SLC35F4: variants seen among roughly 807,000 people sequenced by gnomAD.
SLC35F4 encodes solute carrier family 35 member F4.
SLC35F4 carries 24 observed loss-of-function variants against 44.2 expected under a neutral mutation model. The observed-to-expected ratio is 0.54, with a 90% CI of 0.39 to 0.76. The LOEUF is 0.76. Among genes scored for constraint, SLC35F4 ranks in the 30% least tolerant of loss-of-function variants. The probability of loss-of-function intolerance (pLI) is 0.00; values close to 1 mark genes in which losing one functional copy is unlikely to be tolerated. For synonymous variants in SLC35F4, 238 were observed against 223.6 expected (o/e 1.06, Z -0.57); for missense variants, 562 against 586.1 (o/e 0.96, Z 0.42).
intron 1 of SLC35F4, among the ~76,000 whole-genome samples, chr14:57,926,138 G>A (rs1454767687): frequency 6.6e-6 from 1 of 152,192 alleles, no homozygotes; most frequent in African/African-American, 2.4e-5. Flanking sequence ...CAGAGGCCAT[G>A]GCTATCCCAC....
At chr14:57,946,886 T>A (rs1047911223) in intron 1 of SLC35F4, among the ~76,000 whole-genome samples, 8 of 152,224 alleles carry the variant, frequency 5.3e-5, no homozygotes, top group Admixed American at 2.0e-4. Flanking sequence ...TAGTTTGAAG[T>A]TGGATAATGT....
At chr14:57,748,973 C>G (rs949347462) in intron 1 of SLC35F4, among the ~76,000 whole-genome samples, 1 of 152,114 alleles carries the variant, frequency 6.6e-6, no homozygotes, top group African/African-American at 2.4e-5. Context: ...CATCTTAACT[C>G]TGTTGTGGGT....
At chr14:57,750,993 G>T (rs551257323) in intron 1 of SLC35F4, among the ~76,000 whole-genome samples, 9 of 152,012 alleles carry the variant, frequency 5.9e-5, no homozygotes, top group Non-Finnish European at 1.2e-4. Context: ...AGTCTCCTCC[G>T]TCTCCGTTTA....
chr14:57,949,986 T>A (rs1264167253), intron 1 of SLC35F4, among the ~76,000 whole-genome samples: 1 of 152,160 alleles, frequency 6.6e-6, no homozygotes, highest in Non-Finnish European at 1.5e-5. Context: ...ACTTTACATA[T>A]CCTGATGACT....
At chr14:57,737,055 T>C (rs946988577) in intron 1 of SLC35F4, among the ~76,000 whole-genome samples, 9 of 152,122 alleles carry the variant, frequency 5.9e-5, no homozygotes, top group Admixed American at 3.9e-4. Flanking sequence ...GATTAGCATT[T>C]TTCTCTAGTA....
intron 1 of SLC35F4, among the ~76,000 whole-genome samples, chr14:57,721,756 AC>A (rs1281367928): frequency 2.6e-5 from 4 of 152,088 alleles, no homozygotes; most frequent in Non-Finnish European, 4.4e-5. Flanking sequence ...ACTCTGATGA[AC>A]CTTTTTTGCC....
chr14:57,661,834 A>T (rs1197138035), intron 1 of SLC35F4, among the ~76,000 whole-genome samples: 1 of 152,284 alleles, frequency 6.6e-6, no homozygotes, highest in Middle Eastern at 3.4e-3. Context: ...GGCTCTAATA[A>T]TATGCACTTC....
intron 1 of SLC35F4, among the ~76,000 whole-genome samples, chr14:57,873,069 A>G (rs994966183): frequency 2.0e-5 from 3 of 152,218 alleles, no homozygotes; most frequent in African/African-American, 7.2e-5. Context: ...CACATTTTCC[A>G]TTGTCCGTTT....
chr14:57,839,606 G>A (rs190201052), intron 1 of SLC35F4, among the ~76,000 whole-genome samples: 11 of 152,204 alleles, frequency 7.2e-5, no homozygotes, highest in East Asian at 1.9e-4. Flanking sequence ...TCAGGGAGGC[G>A]GGGAGAGAGG....
At chr14:57,664,001 GA>G (rs5808931) in intron 1 of SLC35F4, among the ~76,000 whole-genome samples, 14,236 of 150,466 alleles carry the variant, frequency 0.095, 751 homozygotes, top group African/African-American at 0.13. Flanking sequence ...AGTTTTCATT[GA>G]AAAAAAAAAT....
chr14:57,603,203 A>G (rs189633666), intron 1 of SLC35F4, among the ~76,000 whole-genome samples: 1 of 152,368 alleles, frequency 6.6e-6, no homozygotes, highest in African/African-American at 2.4e-5. Flanking sequence ...ACAAAATTGC[A>G]TTAAAGTTGT....
At chr14:57,726,144 A>G (rs2076198005) in intron 1 of SLC35F4, among the ~76,000 whole-genome samples, 1 of 152,204 alleles carries the variant, frequency 6.6e-6, no homozygotes. Context: ...CAACAGAGGC[A>G]AGGAAGAGTA....
At chr14:57,967,419 G>A (rs1229550103) in intron 1 of SLC35F4, among the ~76,000 whole-genome samples, 1 of 152,114 alleles carries the variant, frequency 6.6e-6, no homozygotes, top group African/African-American at 2.4e-5. Flanking sequence ...ACATGCATGT[G>A]TCCATGAAAA....
chr14:57,590,226 CAAAA>C (rs55850524), intron 2 of SLC35F4, among the ~76,000 whole-genome samples: 2 of 119,170 alleles, frequency 1.7e-5, no homozygotes, highest in Admixed American at 8.5e-5. Context: ...CTTGTCTATG[CAAAA>C]AAAAAAAAAA....
intron 1 of SLC35F4, among the ~76,000 whole-genome samples, chr14:57,962,654 G>C (rs553611792): frequency 6.6e-6 from 1 of 152,210 alleles, no homozygotes; most frequent in African/African-American, 2.4e-5. Context: ...GATTGAAACC[G>C]TGAGAAACTT....
At chr14:57,722,065 G>A (rs1475327947) in intron 1 of SLC35F4, among the ~76,000 whole-genome samples, 17 of 152,146 alleles carry the variant, frequency 1.1e-4, no homozygotes, top group Non-Finnish European at 1.5e-5. Flanking sequence ...AAAAAGAACT[G>A]CTTGAGTTTT....
intron 1 of SLC35F4, chr14:57,630,716 C>A: frequency 1.8e-6 from 1 of 546,282 alleles, no homozygotes; most frequent in Non-Finnish European, 3.3e-6. Context: ...CATTTTTAGG[C>A]GTGTGTCATT....
intron 1 of SLC35F4, among the ~76,000 whole-genome samples, chr14:57,651,128 A>G (rs1159845425): frequency 6.6e-6 from 1 of 152,176 alleles, no homozygotes; most frequent in East Asian, 1.9e-4. Flanking sequence ...ATTAGGATAT[A>G]AACTCATGGA....
intron 1 of SLC35F4, among the ~76,000 whole-genome samples, chr14:57,942,051 A>G (rs543122626): frequency 3.2e-4 from 49 of 152,172 alleles, no homozygotes; most frequent in Non-Finnish European, 6.5e-4. Flanking sequence ...TGTCTGTGCC[A>G]TTCTTTTTCT....
Sources: allele counts gnomAD v4.1 joint callset (sites outside exome capture counted in the v4.1 genomes callset), GRCh38; gene constraint gnomAD v4.1.1; transcripts MANE v1.5; gene names NCBI Gene and HGNC (gene_info 2026-07-23, HGNC 2026-07-21).